RBFOX1: variants seen among roughly 807,000 people sequenced by gnomAD.
RBFOX1 encodes the protein RNA binding protein fox-1 homolog 1.
In RBFOX1, 8 loss-of-function variants were observed where a neutral mutation model predicts 57.7. The ratio of observed to expected loss-of-function variants is 0.14; its 90% CI spans 0.08 to 0.25. The LOEUF is 0.25. RBFOX1 is among the 10% of genes least tolerant of loss of function. The pLI is 1.00. For missense variants in RBFOX1, 611 were observed against 548.5 expected, an observed-to-expected ratio of 1.11 and a Z score of -1.14; for synonymous variants, 326 against 222.4, an observed-to-expected ratio of 1.47 and a Z score of -4.15.
intron 1 of RBFOX1, among the ~76,000 whole-genome samples, chr16:5,406,848 G>A (rs772062516): frequency 1.3e-5 from 2 of 152,170 alleles, no homozygotes; most frequent in Non-Finnish European, 1.5e-5. Flanking sequence ...AGATCCGTGG[G>A]CACTCACCAG....
chr16:5,643,438 G>A (rs2048946040), intron 3 of RBFOX1, among the ~76,000 whole-genome samples: 1 of 152,128 alleles, frequency 6.6e-6, no homozygotes, highest in South Asian at 2.1e-4. Flanking sequence ...AGGAAGACAA[G>A]GTTTCCTGAT....
chr16:6,659,042 C>T (rs745920216), intron 3 of RBFOX1, among the ~76,000 whole-genome samples: 1 of 151,620 alleles, frequency 6.6e-6, no homozygotes, highest in Non-Finnish European at 1.5e-5. Flanking sequence ...GCTGTATGGC[C>T]TCACAAAACC....
intron 3 of RBFOX1, among the ~76,000 whole-genome samples, chr16:6,696,331 G>GAA (rs5815341): frequency 6.6e-6 from 1 of 151,400 alleles, no homozygotes; most frequent in African/African-American, 2.4e-5. Context: ...GTTTTCTTTG[G>GAA]AAAAAAAAAT....
chr16:5,256,803 A>G (rs1187482670), intron 1 of RBFOX1, among the ~76,000 whole-genome samples: 2 of 152,042 alleles, frequency 1.3e-5, no homozygotes, highest in African/African-American at 4.8e-5. Flanking sequence ...GTGTGGTGGC[A>G]TCTGCCTGTA....
intron 3 of RBFOX1, among the ~76,000 whole-genome samples, chr16:6,807,703 C>A (rs901039857): frequency 6.6e-6 from 1 of 152,006 alleles, no homozygotes; most frequent in Non-Finnish European, 1.5e-5. Flanking sequence ...GTAATCGGAG[C>A]TACTCGGGAG....
At chr16:5,822,950 A>C (rs956596775) in intron 3 of RBFOX1, among the ~76,000 whole-genome samples, 3 of 152,184 alleles carry the variant, frequency 2.0e-5, no homozygotes, top group African/African-American at 7.2e-5. Flanking sequence ...ATAACTGCAT[A>C]ATTTGAGGCT....
At chr16:7,232,986 A>G (rs528809101) in intron 4 of RBFOX1, among the ~76,000 whole-genome samples, 9 of 152,080 alleles carry the variant, frequency 5.9e-5, no homozygotes, top group African/African-American at 2.2e-4. Flanking sequence ...CACACCGGTG[A>G]TTGTTGTCAC....
At chr16:6,794,185 G>T (rs2083491192) in intron 3 of RBFOX1, among the ~76,000 whole-genome samples, 1 of 151,808 alleles carries the variant, frequency 6.6e-6, no homozygotes, top group Non-Finnish European at 1.5e-5. Flanking sequence ...ACCTGGAGAA[G>T]TTGATGCGGG....
chr16:5,937,511 G>T (rs1290072833), intron 4 of RBFOX1, among the ~76,000 whole-genome samples: 5 of 151,800 alleles, frequency 3.3e-5, no homozygotes, highest in Non-Finnish European at 5.9e-5. Flanking sequence ...ATAAATATTT[G>T]CAGGCAACTA....
At chr16:6,459,192 C>T (rs1254927341) in intron 2 of RBFOX1, among the ~76,000 whole-genome samples, 6 of 152,126 alleles carry the variant, frequency 3.9e-5, no homozygotes, top group Non-Finnish European at 8.8e-5. Context: ...AAAAATTAGC[C>T]GGCCATGGTG....
chr16:6,702,101 G>T (rs2061944298), intron 3 of RBFOX1, among the ~76,000 whole-genome samples: 1 of 152,116 alleles, frequency 6.6e-6, no homozygotes, highest in Non-Finnish European at 1.5e-5. Context: ...TAAAATAAAA[G>T]TTTAAAAAAT....
rs1480639438 is a variant in RBFOX1, at chr16:6,819,719, AAAAAAAAAAAAATAAC to A, written c.-16+165072_-16+165087del. On this transcript the variant is annotated intron_variant, in intron 3 of 15. Transcript: ENST00000550418. ...AAACTCTGACTCAAAAAAAAAAAAA[AAAAAAAAAAAAATAAC>A]AACACCAAAAGGTATATAGTATAAC... is the stretch of plus-strand genomic sequence containing the variant. Among the ~76,000 whole-genome samples the A allele has an allele frequency of 4.7e-3, 684 of 145,730 alleles. 30 individuals carry two copies. The highest frequency in any genetic ancestry group is 0.016 in the African/African-American group (644 of 39,586).
At chr16:5,606,082 C>T (rs1361584219) in intron 3 of RBFOX1, among the ~76,000 whole-genome samples, 2 of 152,182 alleles carry the variant, frequency 1.3e-5, no homozygotes, top group African/African-American at 2.4e-5. Context: ...CTAGTTGACC[C>T]ACTGTCTGAT....
intron 2 of RBFOX1, among the ~76,000 whole-genome samples, chr16:6,580,922 T>TTTGC (rs2097528683): frequency 2.3e-5 from 3 of 131,450 alleles, no homozygotes; most frequent in Non-Finnish European, 4.9e-5. Context: ...TTTTTTTTTT[T>TTTGC]TTGCCCTTTT....
intron 2 of RBFOX1, among the ~76,000 whole-genome samples, chr16:6,467,261 A>G (rs1039144799): frequency 4.0e-5 from 6 of 151,680 alleles, no homozygotes; most frequent in African/African-American, 1.2e-4. Flanking sequence ...AATGTAATAT[A>G]AAGCTTACTT....
chr16:7,036,669 G>A (rs550539537), intron 3 of RBFOX1, among the ~76,000 whole-genome samples: 5 of 151,256 alleles, frequency 3.3e-5, no homozygotes, highest in African/African-American at 1.2e-4. Context: ...CTCCAGCCTC[G>A]TCGAAAGAGC....
chr16:6,682,737 T>C (rs1424909535), intron 3 of RBFOX1, among the ~76,000 whole-genome samples: 4 of 152,058 alleles, frequency 2.6e-5, no homozygotes, highest in Admixed American at 1.3e-4. Flanking sequence ...TGTGAGACGA[T>C]GTTATCATTA....
intron 1 of RBFOX1, among the ~76,000 whole-genome samples, chr16:6,119,778 G>A (rs1305821765): frequency 1.3e-5 from 2 of 152,116 alleles, no homozygotes; most frequent in Non-Finnish European, 2.9e-5. Flanking sequence ...AGGAGTAGAG[G>A]CACAAGTCTC....
At position 7,587,300 on chromosome 16, in the gene RBFOX1, G is replaced by T; in HGVS notation, c.468G>T (p.Lys156Asn). ...TTATTTTTAATGAGCGAGGCTCAAA[G>T]GTAAGCAACTTAATTCACTTTAGAA... ...VEIIFNERGSKGFGFVTFENS... is the reference protein window; with the variant it reads ...VEIIFNERGSNGFGFVTFENS... Residue 156 changes from lysine (K) to asparagine (N), a missense_variant and splice_region_variant, in exon 7 of 16, where the codon AAG becomes AAT. Transcript: ENST00000550418. The T allele has an allele frequency of 6.4e-7, 1 of 1,552,216 alleles. No homozygotes were observed. Among genetic ancestry groups the T allele is most frequent in the South Asian group, 1.3e-5 (1 of 79,110 alleles).
Sources: gnomAD v4.1 joint callset for allele counts (sites outside exome capture counted in the v4.1 genomes callset) on GRCh38, gnomAD v4.1.1 for gene constraint, MANE v1.5 for transcripts, NCBI Gene and HGNC (gene_info 2026-07-23, HGNC 2026-07-21) for gene names.